Variants in IQSEC3 observed in about 807,000 individuals in gnomAD.
IQSEC3 encodes the protein IQ motif and Sec7 domain ArfGEF 3.
IQSEC3 carries 50 observed loss-of-function variants against 105.4 expected under a neutral mutation model. The ratio of observed to expected loss-of-function variants is 0.47; its 90% CI spans 0.38 to 0.60. The LOEUF is 0.60. Ranked by LOEUF, IQSEC3 falls within the 20% of genes least tolerant of loss-of-function variation. The pLI is 0.00. For synonymous variants in IQSEC3, 708 were observed against 746.0 expected (o/e 0.95, Z 0.83); for missense variants, 1,415 against 1,630.0 (o/e 0.87, Z 2.27).
chr12:79,891 A>C (rs1437724197), intron 1 of IQSEC3, among the ~76,000 whole-genome samples: 2 of 152,066 alleles, frequency 1.3e-5, no homozygotes, highest in Non-Finnish European at 2.9e-5. Flanking sequence ...CAAAATGTTT[A>C]TTTCTTTTTA....
intron 1 of IQSEC3, among the ~76,000 whole-genome samples, chr12:87,641 T>C (rs1863959007): frequency 6.6e-6 from 1 of 151,820 alleles, no homozygotes; most frequent in African/African-American, 2.4e-5. Flanking sequence ...GGGAGCAGAG[T>C]TGTAGGGAAT....
intron 4 of IQSEC3, chr12:140,842 A>G: frequency 2.6e-6 from 1 of 389,414 alleles, no homozygotes; most frequent in Non-Finnish European, 4.6e-6. Flanking sequence ...GGGGAAGGGC[A>G]GGACTGGGGT....
chr12:85,110 T>G (rs1426073105), intron 1 of IQSEC3, among the ~76,000 whole-genome samples: 1 of 152,252 alleles, frequency 6.6e-6, no homozygotes, highest in African/African-American at 2.4e-5. Flanking sequence ...AAAGGTTTTT[T>G]AAATCAGAAA....
At chr12:113,214 C>T (rs543899839) in intron 2 of IQSEC3, among the ~76,000 whole-genome samples, 3 of 152,342 alleles carry the variant, frequency 2.0e-5, no homozygotes, top group South Asian at 2.1e-4. Context: ...CAACCAGCAT[C>T]GATACTGCAT....
Position 165,233 on chromosome 12 carries a change from G to C in IQSEC3, c.2710-201G>C, listed in dbSNP as rs1012423965. ...CCGTGGCTTGGCTTCTAAGTACAGA[G>C]GGAATAACCACTGTAGGGTTTTGTG... On this transcript the variant is annotated intron_variant, in intron 9 of 13. Coordinates refer to ENST00000538872, the MANE Select transcript of IQSEC3 (RefSeq NM_001170738.2). The C allele has an allele frequency of 6.7e-6, 4 of 598,662 alleles. No individual in the cohort carries two copies. The Admixed American group carries it at 8.6e-5, about 13-fold the overall frequency. The allele number at this position is 598,662 out of a possible 1,614,324, so 37.1% of individuals were successfully genotyped here. A position where few individuals can be genotyped will look rare whatever the true frequency, so the allele number is the denominator to read the frequency against.
chr12:116,268 A>G (rs1865045321), intron 2 of IQSEC3, among the ~76,000 whole-genome samples: 1 of 152,164 alleles, frequency 6.6e-6, no homozygotes, highest in African/African-American at 2.4e-5. Context: ...TCGGGCTCCA[A>G]GTCTGCACTA....
chr12:76,999 C>T (rs1555069349), intron 1 of IQSEC3, among the ~76,000 whole-genome samples: 1 of 152,258 alleles, frequency 6.6e-6, no homozygotes, highest in Admixed American at 6.5e-5. Context: ...TTCCTATCTA[C>T]CACAATTTTC....
intron 11 of IQSEC3, 117 bp downstream of exon 11, chr12:166,007 G>A (rs1362981707): frequency 1.8e-5 from 21 of 1,172,744 alleles, no homozygotes; most frequent in South Asian, 1.5e-4. Context: ...GACCCTCCCC[G>A]TGTCCAGGCC....
intron 2 of IQSEC3, among the ~76,000 whole-genome samples, chr12:121,979 T>C (rs1037227093): frequency 6.6e-6 from 1 of 152,196 alleles, no homozygotes; most frequent in Non-Finnish European, 1.5e-5. Flanking sequence ...AAGCCGTGTA[T>C]GTTCTTTGCC....
intron 3 of IQSEC3, among the ~76,000 whole-genome samples, chr12:136,760 T>C (rs1003426643): frequency 5.9e-5 from 9 of 152,106 alleles, no homozygotes; most frequent in Non-Finnish European, 1.2e-4. Context: ...CCCAAACTTC[T>C]CTGAGGGCTG....
chr12:150,658 G>A (rs1555092403), intron 5 of IQSEC3, among the ~76,000 whole-genome samples: 1 of 152,184 alleles, frequency 6.6e-6, no homozygotes, highest in Non-Finnish European at 1.5e-5. Flanking sequence ...CGTTGGATTT[G>A]GCCACATAGC....
intron 1 of IQSEC3, among the ~76,000 whole-genome samples, chr12:88,290 C>T (rs1050829744): frequency 9.9e-5 from 15 of 152,168 alleles, no homozygotes; most frequent in African/African-American, 3.6e-4. Context: ...CACTGGGCCT[C>T]TTCGGAGTAC....
At chr12:98,731 G>C (rs913987805) in intron 1 of IQSEC3, among the ~76,000 whole-genome samples, 6 of 152,188 alleles carry the variant, frequency 3.9e-5, no homozygotes, top group Admixed American at 6.5e-5. Context: ...GCAATTCTGT[G>C]CATCCTAGAC....
In IQSEC3 at chr12:174,830, C is replaced by G; in HGVS notation, c.3346C>G (p.Gln1116Glu). The change falls in exon 14 of 14, where the codon CAG becomes GAG. Residue 1116 changes from glutamine (Q) to glutamate (E), a missense_variant. Physicochemically the swap from Gln to Glu is conservative, Grantham distance 29. Coordinates refer to ENST00000538872, the MANE Select transcript of IQSEC3 (RefSeq NM_001170738.2). ...GGCCCGCATGGAGCCCCTGCTGAGC[C>G]AGGCTCTCTCCTGCTACACCTCGTC... ...CLARMEPLLS[Q>E]ALSCYTSSSS... 1 of 1,582,032 alleles carries G rather than the reference C, an allele frequency of 6.3e-7. No individual in the cohort carries two copies. The highest frequency in any genetic ancestry group is 8.5e-7 in the Non-Finnish European group (1 of 1,172,570).
intron 1 of IQSEC3, among the ~76,000 whole-genome samples, chr12:76,086 TCACACACA>T (rs55736036): frequency 0.19 from 27,885 of 148,132 alleles, 1,266 homozygotes; most frequent in East Asian, 0.33. Flanking sequence ...GAGAGTTTCA[TCACACACA>T]CACACACACA....
Position 139,146 on chromosome 12 carries a change from G to A in IQSEC3, c.1783G>A (p.Glu595Lys). ...GGCCGAGGCCGAGGCAGGCGACTTG[G>A]AGCAGCTGAGCAGCAGCAGCACGTC... is the stretch of plus-strand genomic sequence containing the variant. ...RGAEAEAGDL[E>K]QLSSSSTSTK... Residue 595 changes from glutamate to lysine, a missense_variant, in exon 4 of 14, where the codon GAG (glutamate) becomes AAG (lysine). By Grantham distance (56) the Glu-to-Lys change is moderately conservative (BLOSUM62 1). Transcript: ENST00000538872. The A allele has an allele frequency of 6.5e-7, 1 of 1,539,786 alleles. No homozygotes were observed. The highest frequency in any genetic ancestry group is 8.8e-7 in the Non-Finnish European group (1 of 1,142,520).
intron 1 of IQSEC3, among the ~76,000 whole-genome samples, chr12:86,735 C>T (rs542791545): frequency 2.3e-4 from 35 of 152,260 alleles, no homozygotes; most frequent in African/African-American, 7.5e-4. Context: ...AAGCACAACA[C>T]AGGTATCTTG....
intron 2 of IQSEC3, among the ~76,000 whole-genome samples, chr12:105,126 C>T (rs1207140977): frequency 1.3e-4 from 20 of 152,242 alleles, no homozygotes; most frequent in Non-Finnish European, 2.8e-4. Flanking sequence ...TGGGGCAGGC[C>T]CACCCTGCCT....
At chr12:171,927 A>C (rs1283196311) in intron 13 of IQSEC3, among the ~76,000 whole-genome samples, 10 of 151,712 alleles carry the variant, frequency 6.6e-5, no homozygotes, top group East Asian at 5.8e-4. Context: ...TCCCTGCCAA[A>C]CCCCCCCAGT....
Sources: allele counts gnomAD v4.1 joint callset (sites outside exome capture counted in the v4.1 genomes callset), GRCh38; gene constraint gnomAD v4.1.1; transcripts MANE v1.5; gene names NCBI Gene and HGNC (gene_info 2026-07-23, HGNC 2026-07-21).